Variants in UGGT1 observed in about 807,000 individuals in gnomAD.
The protein encoded by UGGT1 is UDP-glucose:glycoprotein glucosyltransferase 1.
In UGGT1, 107 loss-of-function variants were observed where a neutral mutation model predicts 203.9. That is an observed-to-expected ratio of 0.52 (90% confidence interval 0.45 to 0.62). The LOEUF is 0.62. UGGT1 is among the 20% of genes least tolerant of loss of function. UGGT1 has a pLI of 0.00. For synonymous variants in UGGT1, 628 were observed against 653.5 expected (o/e 0.96, Z 0.59); for missense variants, 1,673 against 1,867.2 (o/e 0.90, Z 1.92).
intron 5 of UGGT1, among the ~76,000 whole-genome samples, chr2:128,110,921 T>C (rs1302274705): frequency 6.6e-6 from 1 of 152,230 alleles, no homozygotes; most frequent in African/African-American, 2.4e-5. Context: ...TGTATTCATG[T>C]CTTTACTTTC....
At chr2:128,173,208 G>A (rs1691203659) in intron 29 of UGGT1, among the ~76,000 whole-genome samples, 5 of 152,274 alleles carry the variant, frequency 3.3e-5, no homozygotes, top group South Asian at 4.1e-4. Flanking sequence ...ATGTATCGAC[G>A]CTTCACTCTT....
chr2:128,154,528 TA>T (rs1387199746), intron 19 of UGGT1, among the ~76,000 whole-genome samples: 4 of 152,212 alleles, frequency 2.6e-5, no homozygotes, highest in Non-Finnish European at 4.4e-5. Flanking sequence ...GGAACCTTTT[TA>T]GTAGGATACT....
intron 16 of UGGT1, among the ~76,000 whole-genome samples, chr2:128,141,799 A>T (rs1689441179): frequency 6.6e-6 from 1 of 151,452 alleles, no homozygotes; most frequent in South Asian, 2.1e-4. Flanking sequence ...TGATGAGTGG[A>T]AACTCCATCT....
intron 8 of UGGT1, 64 bp from the exon 9 acceptor site, chr2:128,120,292 A>C: frequency 6.6e-7 from 1 of 1,505,088 alleles, no homozygotes; most frequent in Non-Finnish European, 9.1e-7. Flanking sequence ...AAGTTGGTTT[A>C]CTTCTTCTTA....
chr2:128,155,468 G>A (rs374399497), intron 19 of UGGT1, 21 bp from the exon 20 acceptor site: 25 of 1,552,806 alleles, frequency 1.6e-5, no homozygotes, highest in Middle Eastern at 1.8e-4. Context: ...TAATATATAC[G>A]TATTTCATTT....
intron 11 of UGGT1, among the ~76,000 whole-genome samples, chr2:128,125,760 A>G (rs1573534700): frequency 2.0e-5 from 3 of 152,268 alleles, no homozygotes; most frequent in East Asian, 3.9e-4. Context: ...AATGTTTACT[A>G]AATTGAAAAA....
rs60951265 is a variant in UGGT1, at chr2:128,117,297, C to T, written c.872+954C>T. Reference sequence around the variant, plus strand: ...TAGAGACGGGGTTTCACCATGTTGGCCAGGCTGGTCTTGAACTCCTGGCCT... The same window carrying T: ...TAGAGACGGGGTTTCACCATGTTGGTCAGGCTGGTCTTGAACTCCTGGCCT... On this transcript the variant is annotated intron_variant, in intron 8 of 40. Transcript: ENST00000259253. Among the ~76,000 whole-genome samples the T allele has an allele frequency of 6.5e-3, 987 of 152,192 alleles. 25 individuals are homozygous for T. Among genetic ancestry groups the T allele is most frequent in the East Asian group, 0.055 (285 of 5,146 alleles).
At chr2:128,181,686 A>G (rs187583795) in intron 36 of UGGT1, among the ~76,000 whole-genome samples, 158 of 152,338 alleles carry the variant, frequency 1.0e-3, no homozygotes, top group Admixed American at 1.5e-3. Flanking sequence ...ATTCTCTTCC[A>G]CTGGCTTAGC....
intron 18 of UGGT1, 84 bp downstream of exon 18, chr2:128,146,051 T>A (rs1472881424): frequency 1.3e-6 from 2 of 1,524,358 alleles, no homozygotes; most frequent in East Asian, 2.3e-5. Context: ...AGTAAAATTC[T>A]TAGTATCACT....
At chr2:128,161,370 A>T (rs2104746098) in intron 25 of UGGT1, 102 bp downstream of exon 25, 1 of 1,379,388 alleles carries the variant, frequency 7.2e-7, no homozygotes, top group Non-Finnish European at 9.7e-7. Context: ...TATCCCAAGG[A>T]GTTTTATTTC....
chr2:128,098,191 A>T, intron 2 of UGGT1, among the ~76,000 whole-genome samples: 1 of 152,102 alleles, frequency 6.6e-6, no homozygotes, highest in Non-Finnish European at 1.5e-5. Flanking sequence ...TCCTTATTTG[A>T]AGGAAGTTTT....
rs1038381624 is a variant in UGGT1 at position 128,131,143 on chromosome 2, G to A, written c.1377+1964G>A. The stretch of plus-strand genomic sequence containing the variant: ...AGCTCCTTGGGAGGCTGAGGCAGGA[G>A]AATTGCTTGAATTCGGGAGGCAGAG... On this transcript the variant is annotated intron_variant, in intron 13 of 40. Transcript: ENST00000259253. Among the ~76,000 whole-genome samples, 9 of 147,756 alleles carry A rather than the reference G, an allele frequency of 6.1e-5. No individual in the cohort carries two copies. In the East Asian group the frequency reaches 1.8e-3, roughly 30 times the overall value.
intron 17 of UGGT1, among the ~76,000 whole-genome samples, chr2:128,144,277 A>G (rs1056432164): frequency 7.2e-5 from 11 of 152,320 alleles, no homozygotes; most frequent in Admixed American, 2.0e-4. Context: ...TTAGCTGTTG[A>G]TAGAAAATTT....
intron 2 of UGGT1, among the ~76,000 whole-genome samples, chr2:128,097,979 T>C (rs1297835072): frequency 6.6e-6 from 1 of 152,136 alleles, no homozygotes. Context: ...CTCATGCCTC[T>C]GCCTCCTGAG....
rs142016273 is a variant in UGGT1 at position 128,117,987 on chromosome 2, T to A, written c.872+1644T>A. On this transcript the variant is annotated intron_variant, in intron 8 of 40. Coordinates refer to ENST00000259253, the MANE Select transcript of UGGT1 (RefSeq NM_020120.4). ...GTGTGTGTGTGTGTGTCTGTGTGTG[T>A]GTGTGTGAGAGAGAGAGAGAGAGAG... Among the ~76,000 whole-genome samples, 284 of 71,260 alleles carry A rather than the reference T, an allele frequency of 4.0e-3. 1 individual carries two copies. Among genetic ancestry groups the A allele is most frequent in the African/African-American group, 8.4e-3 (264 of 31,502 alleles). 46.7% of individuals were successfully genotyped at this position (71,260 alleles called of 152,430 possible).
At chr2:128,188,641 T>G (rs1242792776) in intron 40 of UGGT1, among the ~76,000 whole-genome samples, 1 of 152,226 alleles carries the variant, frequency 6.6e-6, no homozygotes, top group Non-Finnish European at 1.5e-5. Context: ...TTTATTCTGC[T>G]TTAGACTAAT....
rs547482350 is a variant in UGGT1, at chr2:128,191,197, G to A, written c.*1455G>A. On this transcript the variant is annotated 3_prime_UTR_variant, in exon 41 of 41. Transcript: ENST00000259253. ...AGGAGAGGGTGCAGATGGATACTGTGCCCTCACCCTCCTAAGCCAGGTAAT... is the reference window on the plus strand; with the variant it reads ...AGGAGAGGGTGCAGATGGATACTGTACCCTCACCCTCCTAAGCCAGGTAAT... 6.6e-6 allele frequency: 1 copy of A among 152,330 alleles called. No homozygotes were observed. The highest frequency in any genetic ancestry group is 6.5e-5 in the Admixed American group (1 of 15,294). The allele number at this position is 152,330 out of a possible 1,614,324, so 9.4% of individuals were successfully genotyped here. A position where few individuals can be genotyped will look rare whatever the true frequency, so the allele number is the denominator to read the frequency against.
In UGGT1 at chr2:128,178,451, T is replaced by TA. The variant is rs1558824074; in HGVS notation, c.3714-16dup. On this transcript the variant is annotated splice_polypyrimidine_tract_variant and intron_variant, in intron 33 of 40. Coordinates refer to ENST00000259253, the MANE Select transcript of UGGT1 (RefSeq NM_020120.4). ...TGAGTGTTTCAAGTGGTCTTTTTTT[T>TA]ACCCTTATTGTTATAGGGGCTTTAC... The TA allele has an allele frequency of 3.8e-6, 6 of 1,593,214 alleles. No homozygotes were observed. Among genetic ancestry groups the TA allele is most frequent in the Non-Finnish European group, 5.1e-6 (6 of 1,169,856 alleles).
intron 15 of UGGT1, 124 bp from the exon 16 acceptor site, chr2:128,138,593 G>A: frequency 8.8e-7 from 1 of 1,133,096 alleles, no homozygotes; most frequent in South Asian, 1.6e-5. Flanking sequence ...TGTGAACTGT[G>A]CTTTTCACTC....
Sources: allele counts gnomAD v4.1 joint callset (sites outside exome capture counted in the v4.1 genomes callset), GRCh38; gene constraint gnomAD v4.1.1; transcripts MANE v1.5; gene names NCBI Gene and HGNC (gene_info 2026-07-23, HGNC 2026-07-21).